The following METTL4 variants were observed in gnomAD, a reference collection of about 807,000 sequenced individuals.
The protein encoded by METTL4 is methyltransferase 4, N6-adenosine, also known as N(6)-adenine-specific methyltransferase METTL4.
METTL4 carries 40 observed loss-of-function variants against 54.0 expected under a neutral mutation model. The observed-to-expected ratio is 0.74, with a 90% CI of 0.58 to 0.96. The LOEUF is 0.96. Ranked by LOEUF, METTL4 falls within the 50% of genes least tolerant of loss-of-function variation. The probability of loss-of-function intolerance (pLI) is 0.00; values close to 1 mark genes in which losing one functional copy is unlikely to be tolerated. For missense variants in METTL4, 525 were observed against 549.0 expected, an observed-to-expected ratio of 0.96 and a Z score of 0.44; for synonymous variants, 169 against 183.8, an observed-to-expected ratio of 0.92 and a Z score of 0.65.
At chr18:2,547,605 AAC>A in intron 5 of METTL4, 76 bp from the exon 6 acceptor site, 1 of 1,106,492 alleles carries the variant, frequency 9.0e-7, no homozygotes, top group East Asian at 2.6e-5. Context: ...AGACATGCAT[AAC>A]ACAGACTCCA....
chr18:2,558,085 C>T (rs1304782588), intron 3 of METTL4, among the ~76,000 whole-genome samples: 4 of 152,178 alleles, frequency 2.6e-5, no homozygotes, highest in Admixed American at 2.6e-4. Flanking sequence ...ATTCATAGAA[C>T]ACTGCCTCTA....
intron 3 of METTL4, among the ~76,000 whole-genome samples, chr18:2,558,998 C>T (rs763300347): frequency 2.0e-5 from 3 of 152,138 alleles, no homozygotes; most frequent in Non-Finnish European, 4.4e-5. Context: ...AAACTGGAGC[C>T]CTTGGGTATT....
chr18:2,552,681 T>C lies in METTL4; in HGVS notation c.899+14A>G. 2 of 1,588,710 alleles carry C rather than the reference T, an allele frequency of 1.3e-6. No individual in the cohort carries two copies. The highest frequency in any genetic ancestry group is 1.7e-6 in the Non-Finnish European group (2 of 1,160,198). The stretch of plus-strand genomic sequence containing the variant: ...CAGTTTTTTTAGAAAGCAAATGCTT[T>C]CATTTCCACTTACCTATTACTTCTT... On this transcript the variant is annotated intron_variant, in intron 5 of 8. Transcript: ENST00000574538.
At chr18:2,552,230 G>A (rs1287712848) in intron 5 of METTL4, among the ~76,000 whole-genome samples, 1 of 141,254 alleles carries the variant, frequency 7.1e-6, no homozygotes, top group African/African-American at 2.8e-5. Context: ...GAATTGAAAG[G>A]AAAAAATTGT....
At chr18:2,540,150 T>C (rs1184856515) in intron 8 of METTL4, 3 of 985,154 alleles carry the variant, frequency 3.0e-6, no homozygotes, top group Admixed American at 6.2e-5. Flanking sequence ...TAAAGAGCTG[T>C]TGTCTACACT....
At chr18:2,552,815 TA>T (rs2072183243) in intron 4 of METTL4, 51 bp from the exon 5 acceptor site, 1 of 1,205,752 alleles carries the variant, frequency 8.3e-7, no homozygotes, top group Non-Finnish European at 1.2e-6. Flanking sequence ...GTGATCACTT[TA>T]AAAACTAAAC....
At chr18:2,556,824 G>A (rs2072245736) in intron 3 of METTL4, among the ~76,000 whole-genome samples, 1 of 152,048 alleles carries the variant, frequency 6.6e-6, no homozygotes, top group Non-Finnish European at 1.5e-5. Context: ...AAGAGGATGA[G>A]GAGGAGGTGG....
At chr18:2,569,753 C>T (rs2072474499) in intron 1 of METTL4, among the ~76,000 whole-genome samples, 1 of 152,210 alleles carries the variant, frequency 6.6e-6, no homozygotes, top group South Asian at 2.1e-4. Context: ...ATCTTCTCTT[C>T]CCCACCTTTA....
At chr18:2,553,373 T>A (rs943191148) in intron 4 of METTL4, 6 of 152,200 alleles carry the variant, frequency 3.9e-5, no homozygotes, top group African/African-American at 1.4e-4. Flanking sequence ...TTTCTCATGA[T>A]TAAATTTAGA....
intron 3 of METTL4, 61 bp from the exon 4 acceptor site, chr18:2,555,099 GCTTT>G: frequency 6.8e-7 from 1 of 1,472,458 alleles, no homozygotes. Flanking sequence ...CATTGACTGT[GCTTT>G]GAATATCTGA....
intron 8 of METTL4, chr18:2,539,976 A>G: frequency 1.0e-6 from 1 of 977,324 alleles, no homozygotes; most frequent in Non-Finnish European, 1.2e-6. Context: ...TAGCCCCCTT[A>G]GCAGTAAATT....
intron 3 of METTL4, among the ~76,000 whole-genome samples, chr18:2,562,551 AC>A (rs2072337462): frequency 6.6e-6 from 1 of 152,256 alleles, no homozygotes; most frequent in South Asian, 2.1e-4. Flanking sequence ...AAATGAATAA[AC>A]AAAATGTAGT....
At chr18:2,555,882 A>G (rs975368582) in intron 3 of METTL4, among the ~76,000 whole-genome samples, 28 of 151,916 alleles carry the variant, frequency 1.8e-4, no homozygotes, top group African/African-American at 6.8e-4. Context: ...GATGCCATGC[A>G]GTGTAGAACA....
Position 2,538,217 on chromosome 18 carries a change from T to C in METTL4, c.*783A>G. On this transcript the variant is annotated 3_prime_UTR_variant, in exon 9 of 9. Transcript: ENST00000574538. Reference sequence around the variant, plus strand: ...CAATCACACTGTTTACTTGCTGCCATGTTTATTATAAGGAATAGCTTTTCA... The same window carrying C: ...CAATCACACTGTTTACTTGCTGCCACGTTTATTATAAGGAATAGCTTTTCA... The C allele has an allele frequency of 3.3e-6, 1 of 299,876 alleles. No homozygotes were observed. Among genetic ancestry groups the C allele is most frequent in the Non-Finnish European group, 6.0e-6 (1 of 165,844 alleles). 18.6% of individuals were successfully genotyped at this position (299,876 alleles called of 1,614,324 possible). A position where few individuals can be genotyped will look rare whatever the true frequency, so the allele number is the denominator to read the frequency against.
chr18:2,547,771 A>G (rs976807754), intron 5 of METTL4, among the ~76,000 whole-genome samples: 3 of 152,080 alleles, frequency 2.0e-5, no homozygotes, highest in Non-Finnish European at 2.9e-5. Flanking sequence ...TCACTTCTAA[A>G]TGCATTACAT....
chr18:2,564,194 A>G lies in METTL4; in HGVS notation c.397-335T>C, dbSNP rs529297425. Reference sequence around the variant, plus strand: ...CAAGGCGGGAGGATCACGAGGTCAGAAGATCGAGACCATCCCGGCTAACAT... The same window carrying G: ...CAAGGCGGGAGGATCACGAGGTCAGGAGATCGAGACCATCCCGGCTAACAT... On this transcript the variant is annotated intron_variant, in intron 2 of 8. Transcript: ENST00000574538. Among the ~76,000 whole-genome samples, 70 of 152,064 alleles carry G rather than the reference A, an allele frequency of 4.6e-4. No individual in the cohort carries two copies. In the South Asian group the frequency reaches 7.7e-3, roughly 17 times the overall value.
chr18:2,562,002 T>C (rs971280536), intron 3 of METTL4: 4 of 152,144 alleles, frequency 2.6e-5, no homozygotes, highest in African/African-American at 9.7e-5. Context: ...CTTCAGAACA[T>C]TTAAAACCCA....
rs67428228 is a variant in METTL4 at position 2,563,600 on chromosome 18, C to CAAAAAAAAAAAAAAAAAAAA, written c.459+177_459+196dup. Among the ~76,000 whole-genome samples, 2 of 97,850 alleles carry CAAAAAAAAAAAAAAAAAAAA rather than the reference C, an allele frequency of 2.0e-5. 1 individual carries two copies. Among genetic ancestry groups the CAAAAAAAAAAAAAAAAAAAA allele is most frequent in the African/African-American group, 8.4e-5 (2 of 23,922 alleles). The allele number at this position is 97,850 out of a possible 152,430, so 64.2% of individuals were successfully genotyped here. On this transcript the variant is annotated intron_variant, in intron 3 of 8. Transcript: ENST00000574538. ...TGGGCAACAGAATGAGACTCTGCCTCAAAAAAAAAAAAAAAAAAAAGACAA... is the reference window on the plus strand; with the variant it reads ...TGGGCAACAGAATGAGACTCTGCCTCAAAAAAAAAAAAAAAAAAAAAAAAAAAAAAAAAAAAAAAAGACAA...
intron 8 of METTL4, 97 bp downstream of exon 8, chr18:2,544,098 A>G: frequency 1.2e-6 from 1 of 837,942 alleles, no homozygotes; most frequent in East Asian, 2.7e-5. Flanking sequence ...CCTACGTCTG[A>G]CTTAATTTCC....
Sources: allele counts gnomAD v4.1 joint callset (sites outside exome capture counted in the v4.1 genomes callset), GRCh38; gene constraint gnomAD v4.1.1; transcripts MANE v1.5; gene names NCBI Gene and HGNC (gene_info 2026-07-23, HGNC 2026-07-21).